The following KDM4C variants were observed in gnomAD, a reference collection of about 807,000 sequenced individuals.
The protein encoded by KDM4C is lysine-specific demethylase 4C.
KDM4C carries 81 observed loss-of-function variants against 129.3 expected under a neutral mutation model. The ratio of observed to expected loss-of-function variants is 0.63; its 90% CI spans 0.52 to 0.75. The LOEUF (loss-of-function observed/expected upper bound fraction) is 0.75, where lower values mean the gene tolerates loss of function less well. Ranked by LOEUF, KDM4C falls within the 30% of genes least tolerant of loss-of-function variation. The pLI, the probability that KDM4C is intolerant of heterozygous loss-of-function variation, is 0.00. For missense variants in KDM4C, 1,457 were observed against 1,304.0 expected (o/e 1.12, Z -1.81); for synonymous variants, 573 against 456.1 (o/e 1.26, Z -3.26).
At chr9:7,168,690 G>A (rs1341649437) in intron 20 of KDM4C, among the ~76,000 whole-genome samples, 1 of 152,122 alleles carries the variant, frequency 6.6e-6, no homozygotes, top group African/African-American at 2.4e-5. Flanking sequence ...GATGGCATTT[G>A]ATTGAATTTG....
At chr9:7,169,396 T>C (rs1844731893) in intron 20 of KDM4C, among the ~76,000 whole-genome samples, 1 of 152,162 alleles carries the variant, frequency 6.6e-6, no homozygotes. Flanking sequence ...AGTGCAGTGG[T>C]GCGATCTCAG....
chr9:7,084,109 G>T (rs1449192541), intron 17 of KDM4C, among the ~76,000 whole-genome samples: 1 of 152,158 alleles, frequency 6.6e-6, no homozygotes, highest in Non-Finnish European at 1.5e-5. Flanking sequence ...TTAGTTTCTT[G>T]CTTCTAACTG....
chr9:6,744,341 T>C (rs1291507869), intron 1 of KDM4C, among the ~76,000 whole-genome samples: 3 of 152,128 alleles, frequency 2.0e-5, no homozygotes, highest in East Asian at 1.9e-4. Context: ...CTGGCTAACA[T>C]GGTGAAACCG....
intron 1 of KDM4C, among the ~76,000 whole-genome samples, chr9:6,763,551 G>C (rs1356974024): frequency 6.6e-6 from 1 of 152,154 alleles, no homozygotes; most frequent in Non-Finnish European, 1.5e-5. Context: ...ACAGTAGTTA[G>C]TAACTTCTGG....
At chr9:6,807,772 C>T (rs1441953273) in intron 3 of KDM4C, among the ~76,000 whole-genome samples, 2 of 145,504 alleles carry the variant, frequency 1.4e-5, no homozygotes, top group Admixed American at 6.8e-5. Flanking sequence ...CCGGCAGCCA[C>T]CCCGTCTGGG....
chr9:6,973,611 A>G (rs1464322981), intron 8 of KDM4C, among the ~76,000 whole-genome samples: 1 of 152,192 alleles, frequency 6.6e-6, no homozygotes, highest in Non-Finnish European at 1.5e-5. Context: ...CCTAGAATTT[A>G]TTTGAAAATT....
intron 8 of KDM4C, among the ~76,000 whole-genome samples, chr9:6,971,821 G>A (rs1832032860): frequency 6.6e-6 from 1 of 152,132 alleles, no homozygotes; most frequent in East Asian, 1.9e-4. Flanking sequence ...ATAGAAATGA[G>A]GGAAGTTATT....
In KDM4C at chr9:7,011,744, G is replaced by C. The variant is rs145834210; in HGVS notation, c.1833G>C (p.Glu611Asp). 1 of 1,614,058 alleles carries C rather than the reference G, an allele frequency of 6.2e-7. No individual in the cohort carries two copies. Among genetic ancestry groups the C allele is most frequent in the Non-Finnish European group, 8.5e-7 (1 of 1,180,016 alleles). ...TTGAGGAGGAAGTGGAAGAAACAGA[G>C]TCTTGGGCGAAACCTCTCATCCACC... Reference protein sequence around the residue: ...LSIEEEVEETESWAKPLIHLW... With the variant: ...LSIEEEVEETDSWAKPLIHLW... Residue 611 changes from glutamate to aspartate, a missense_variant, in exon 13 of 22, where the codon GAG (glutamate) becomes GAC (aspartate). Transcript: ENST00000381309.
intron 17 of KDM4C, among the ~76,000 whole-genome samples, chr9:7,073,204 C>G (rs954570248): frequency 6.6e-6 from 1 of 152,180 alleles, no homozygotes; most frequent in Admixed American, 6.5e-5. Flanking sequence ...ATGTTCCGAT[C>G]TAACATAGCT....
At chr9:6,786,381 A>C (rs1351397308) in intron 1 of KDM4C, among the ~76,000 whole-genome samples, 1 of 152,200 alleles carries the variant, frequency 6.6e-6, no homozygotes, top group Non-Finnish European at 1.5e-5. Flanking sequence ...TTATTAAAAA[A>C]ATTCTTAGGG....
At chr9:7,049,404 A>G (rs1829847976) in intron 17 of KDM4C, among the ~76,000 whole-genome samples, 1 of 151,992 alleles carries the variant, frequency 6.6e-6, no homozygotes, top group Non-Finnish European at 1.5e-5. Flanking sequence ...ACCTTCCTCA[A>G]TTTCTGTCTG....
At chr9:6,750,169 G>A (rs984030707) in intron 1 of KDM4C, among the ~76,000 whole-genome samples, 1 of 150,566 alleles carries the variant, frequency 6.6e-6, no homozygotes, top group Middle Eastern at 3.5e-3. Flanking sequence ...GGCCAGGCAC[G>A]GTGGCTCATA....
intron 10 of KDM4C, among the ~76,000 whole-genome samples, chr9:6,984,924 C>T (rs555860736): frequency 2.2e-4 from 34 of 152,080 alleles, no homozygotes; most frequent in African/African-American, 7.5e-4. Flanking sequence ...GCCTTTTCTC[C>T]CTTTGGTAGC....
At chr9:6,893,270 T>G (rs1846358480) in intron 8 of KDM4C, 38 bp downstream of exon 8, 1 of 1,558,212 alleles carries the variant, frequency 6.4e-7, no homozygotes, top group African/African-American at 1.4e-5. Flanking sequence ...AAATTAAATG[T>G]GTATTCTGGT....
intron 19 of KDM4C, among the ~76,000 whole-genome samples, chr9:7,137,340 A>G (rs1587826204): frequency 6.6e-6 from 1 of 152,208 alleles, no homozygotes; most frequent in Non-Finnish European, 1.5e-5. Flanking sequence ...TCCATTTAAT[A>G]CAAAATATAA....
At chr9:7,077,217 G>C (rs140552461) in intron 17 of KDM4C, 1 of 985,314 alleles carries the variant, frequency 1.0e-6, no homozygotes, top group Non-Finnish European at 1.2e-6. Flanking sequence ...TGGCATTCAA[G>C]ATGCAACACC....
chr9:6,925,720 GC>G, intron 8 of KDM4C: 1 of 728,282 alleles, frequency 1.4e-6, no homozygotes, highest in Non-Finnish European at 1.7e-6. Context: ...TTTTTCATTA[GC>G]CCTCTCAGCT....
intron 16 of KDM4C, among the ~76,000 whole-genome samples, chr9:7,048,323 A>T (rs533966040): frequency 6.6e-6 from 1 of 152,238 alleles, no homozygotes; most frequent in African/African-American, 2.4e-5. Context: ...GAAAGACAGG[A>T]TAGAGTCTGA....
intron 6 of KDM4C, 103 bp from the exon 7 acceptor site, chr9:6,887,857 A>G: frequency 1.4e-6 from 1 of 734,748 alleles, no homozygotes; most frequent in African/African-American, 1.8e-5. Context: ...CCATACTTGC[A>G]TAAGTCAAAC....
Sources: allele counts gnomAD v4.1 joint callset (sites outside exome capture counted in the v4.1 genomes callset), GRCh38; gene constraint gnomAD v4.1.1; transcripts MANE v1.5; gene names NCBI Gene and HGNC (gene_info 2026-07-23, HGNC 2026-07-21).